Variants in FNBP4 observed in about 807,000 individuals in gnomAD.
The protein encoded by FNBP4 is formin binding protein 4.
FNBP4 carries 34 observed loss-of-function variants against 119.3 expected under a neutral mutation model. The observed-to-expected ratio is 0.28, with a 90% CI of 0.22 to 0.38. FNBP4 has a LOEUF of 0.38. Among genes scored for constraint, FNBP4 ranks in the 10% least tolerant of loss-of-function variants. The probability of loss-of-function intolerance (pLI) is 1.00; values close to 1 mark genes in which losing one functional copy is unlikely to be tolerated. For synonymous variants in FNBP4, 462 were observed against 430.6 expected (o/e 1.07, Z -0.90); for missense variants, 1,112 against 1,228.9 (o/e 0.90, Z 1.42).
At chr11:47,744,495 CT>C (rs2135187674) in intron 7 of FNBP4, among the ~76,000 whole-genome samples, 1 of 152,222 alleles carries the variant, frequency 6.6e-6, no homozygotes, top group African/African-American at 2.4e-5. Flanking sequence ...AACTTCTGGG[CT>C]CAAGTGATCT....
At chr11:47,731,815 A>T in intron 11 of FNBP4, 1 of 1,196,268 alleles carries the variant, frequency 8.4e-7, no homozygotes, top group Non-Finnish European at 1.0e-6. Context: ...GACTTAGAAA[A>T]CACTTTTCTC....
At chr11:47,743,822 C>T in intron 8 of FNBP4, 131 bp downstream of exon 8, 1 of 802,100 alleles carries the variant, frequency 1.2e-6, no homozygotes, top group Non-Finnish European at 2.0e-6. Flanking sequence ...ATGGAAGCTT[C>T]CTTCCCAGCA....
rs923932565 is a variant in FNBP4 at position 47,723,959 on chromosome 11, T to C, written c.2464+69A>G. On this transcript the variant is annotated intron_variant, in intron 14 of 16. Transcript: ENST00000263773. The stretch of plus-strand genomic sequence containing the variant: ...GAGCCTTTAACATTTCTTTAGTTTT[T>C]ATGGCATCTAATGCTGAAAAGAAAA... The C allele has an allele frequency of 1.5e-5, 21 of 1,419,808 alleles. No homozygotes were observed. The Admixed American group carries it at 4.0e-4, about 27-fold the overall frequency. 88.0% of individuals were successfully genotyped at this position (1,419,808 alleles called of 1,614,324 possible).
At chr11:47,735,653 G>T (rs1290537819) in intron 9 of FNBP4, among the ~76,000 whole-genome samples, 2 of 152,182 alleles carry the variant, frequency 1.3e-5, no homozygotes, top group African/African-American at 4.8e-5. Flanking sequence ...TAATTTCTCA[G>T]TATCAAGTCA....
At chr11:47,736,088 A>C (rs1355189982) in intron 9 of FNBP4, among the ~76,000 whole-genome samples, 1 of 151,222 alleles carries the variant, frequency 6.6e-6, no homozygotes, top group Non-Finnish European at 1.5e-5. Flanking sequence ...ACAAAAAAAA[A>C]ACACTTGCCA....
At chr11:47,766,382 A>G (rs1463674016) in intron 1 of FNBP4, among the ~76,000 whole-genome samples, 1 of 152,208 alleles carries the variant, frequency 6.6e-6, no homozygotes, top group Non-Finnish European at 1.5e-5. Flanking sequence ...CAAAAACAGT[A>G]AGTATTCTCC....
chr11:47,723,207 C>T lies in FNBP4; in HGVS notation c.2574G>A (p.Leu858=), dbSNP rs2097557718. ...GMGHQARGMS[L]QSNYLGLAAA... Reference sequence around the variant, plus strand: ...CCGCTAGTCCAAGGTAATTTGACTGCAGGCTCATTCCTCTGGCCTGATGAC... The same window carrying T: ...CCGCTAGTCCAAGGTAATTTGACTGTAGGCTCATTCCTCTGGCCTGATGAC... The change falls in exon 15 of 17, where the codon CTG becomes CTA. Residue 858 remains leucine, a synonymous_variant. Coordinates refer to ENST00000263773, the MANE Select transcript of FNBP4 (RefSeq NM_015308.5). 6.2e-7 allele frequency: 1 copy of T among 1,614,194 alleles called. No homozygotes were observed. The highest frequency in any genetic ancestry group is 1.3e-5 in the African/African-American group (1 of 75,038).
In FNBP4 at chr11:47,730,038, A is replaced by G. The variant is rs2097565636; in HGVS notation, c.2008+1336T>C. ...AACTATGTGTGTCATAAAGGGAGAA[A>G]ACAGCTTAATACTCATCTAAAGTGT... On this transcript the variant is annotated intron_variant, in intron 12 of 16. Coordinates refer to ENST00000263773, the MANE Select transcript of FNBP4 (RefSeq NM_015308.5). The G allele has an allele frequency of 3.0e-6, 3 of 985,306 alleles. No individual in the cohort carries two copies. The South Asian group carries it at 1.4e-4, about 46-fold the overall frequency. The allele number at this position is 985,306 out of a possible 1,614,324, so 61.0% of individuals were successfully genotyped here.
intron 14 of FNBP4, 94 bp downstream of exon 14, chr11:47,723,934 G>T: frequency 2.8e-6 from 3 of 1,076,176 alleles, no homozygotes; most frequent in Non-Finnish European, 3.9e-6. Context: ...TTGCAATCAA[G>T]AGCCTTTAAC....
intron 12 of FNBP4, chr11:47,729,552 C>G: frequency 1.0e-6 from 1 of 976,030 alleles, no homozygotes; most frequent in Non-Finnish European, 1.2e-6. Flanking sequence ...CTCTGTCGCT[C>G]AGGCTGGAGT....
At chr11:47,729,475 T>G (rs1328974680) in intron 12 of FNBP4, 1 of 985,282 alleles carries the variant, frequency 1.0e-6, no homozygotes, top group Non-Finnish European at 1.2e-6. Context: ...ACTTTGAAAC[T>G]TCTTGGCTTC....
At chr11:47,751,381 A>C in intron 4 of FNBP4, 91 bp from the exon 5 acceptor site, 2 of 1,442,658 alleles carry the variant, frequency 1.4e-6, no homozygotes, top group Non-Finnish European at 1.9e-6. Context: ...ACAGTTTCTC[A>C]AAACAGCACT....
chr11:47,754,451 C>G (rs772316579), intron 3 of FNBP4, 77 bp downstream of exon 3: 17 of 1,448,062 alleles, frequency 1.2e-5, no homozygotes, highest in Non-Finnish European at 1.5e-5. Flanking sequence ...ATTGAACTGA[C>G]AAGTACGCTG....
At chr11:47,765,442 G>GA (rs2097645403) in intron 1 of FNBP4, 80 bp from the exon 2 acceptor site, 3 of 1,022,710 alleles carry the variant, frequency 2.9e-6, no homozygotes, top group Non-Finnish European at 4.4e-6. Flanking sequence ...CCAGACCAGA[G>GA]AAAACACTAG....
chr11:47,765,728 G>T (rs868678741), intron 1 of FNBP4, among the ~76,000 whole-genome samples: 1 of 151,870 alleles, frequency 6.6e-6, no homozygotes, highest in Non-Finnish European at 1.5e-5. Flanking sequence ...CAGAAGGATC[G>T]CTTGAACCCA....
chr11:47,755,649 A>G (rs1248810913), intron 2 of FNBP4, among the ~76,000 whole-genome samples: 2 of 145,412 alleles, frequency 1.4e-5, no homozygotes. Context: ...AAAAAAAAAA[A>G]GGGAAAAGGA....
intron 2 of FNBP4, among the ~76,000 whole-genome samples, chr11:47,760,460 G>A (rs1256499337): frequency 6.7e-6 from 1 of 148,370 alleles, no homozygotes; most frequent in East Asian, 2.0e-4. Context: ...TGGAGATGGA[G>A]TCTCACTGTC....
intron 12 of FNBP4, chr11:47,725,011 C>G (rs1014701500): frequency 2.5e-6 from 1 of 395,494 alleles, no homozygotes; most frequent in African/African-American, 2.1e-5. Context: ...CAACTCAGTT[C>G]AGAAATGACT....
intron 12 of FNBP4, chr11:47,724,998 G>T: frequency 2.3e-6 from 1 of 426,030 alleles, no homozygotes; most frequent in Non-Finnish European, 4.1e-6. Context: ...CTAAAATATT[G>T]AACAACTCAG....
Sources: allele counts gnomAD v4.1 joint callset (sites outside exome capture counted in the v4.1 genomes callset), GRCh38; gene constraint gnomAD v4.1.1; transcripts MANE v1.5; gene names NCBI Gene and HGNC (gene_info 2026-07-23, HGNC 2026-07-21).